Variants in MIPEP observed in about 807,000 individuals in gnomAD.
MIPEP encodes the protein mitochondrial intermediate peptidase.
MIPEP carries 79 observed loss-of-function variants against 90.3 expected under a neutral mutation model. The ratio of observed to expected loss-of-function variants is 0.87; its 90% confidence interval spans 0.73 to 1.05. The LOEUF is 1.05. Ranked by LOEUF, MIPEP falls within the 50% of genes least tolerant of loss-of-function variation. The probability of loss-of-function intolerance (pLI) is 0.00; values close to 1 mark genes in which losing one functional copy is unlikely to be tolerated. For missense variants in MIPEP, 940 were observed against 905.6 expected, an observed-to-expected ratio of 1.04 and a Z score of -0.49; for synonymous variants, 334 against 315.8, an observed-to-expected ratio of 1.06 and a Z score of -0.61.
At chr13:23,856,576 G>A (rs1321287834) in intron 10 of MIPEP, among the ~76,000 whole-genome samples, 1 of 152,192 alleles carries the variant, frequency 6.6e-6, no homozygotes, top group Non-Finnish European at 1.5e-5. Context: ...TAACTTCCCG[G>A]TCATTGGCCT....
intron 14 of MIPEP, among the ~76,000 whole-genome samples, chr13:23,825,115 G>GA (rs1352159851): frequency 1.3e-5 from 2 of 152,204 alleles, no homozygotes; most frequent in Non-Finnish European, 2.9e-5. Context: ...TAAAGGAGCA[G>GA]AAAAGTCTCA....
At chr13:23,887,114 G>C (rs1480506877) in intron 1 of MIPEP, among the ~76,000 whole-genome samples, 1 of 152,122 alleles carries the variant, frequency 6.6e-6, no homozygotes, top group Non-Finnish European at 1.5e-5. Flanking sequence ...TGACTATGAA[G>C]CAATAGATAT....
rs375056152 is a variant in MIPEP, at chr13:23,743,375, AG to A, written c.2045-12931del. 2.4e-4 allele frequency among the ~76,000 whole-genome samples: 37 copies of A among 152,342 alleles called. No homozygotes were observed. In the East Asian group the frequency reaches 7.1e-3, roughly 29 times the overall value. On this transcript the variant is annotated intron_variant, in intron 18 of 18. Transcript: ENST00000382172. ...GTATGGCTCACCATCTTGACTTTGA[AG>A]TTTTTCTCTGCTACAAGACTGTGGT...
At chr13:23,846,956 T>C (rs922941513) in intron 10 of MIPEP, among the ~76,000 whole-genome samples, 22 of 152,280 alleles carry the variant, frequency 1.4e-4, no homozygotes, top group African/African-American at 5.1e-4. Flanking sequence ...ACTATCACCC[T>C]ATGTTACAAT....
rs549332253 is a variant in MIPEP, at chr13:23,792,279, C to T, written c.1848+13671G>A. Among the ~76,000 whole-genome samples, 6 of 152,350 alleles carry T rather than the reference C, an allele frequency of 3.9e-5. No homozygotes were observed. The South Asian group carries it at 6.2e-4, about 16-fold the overall frequency. ...CACAGACCAGTCCTCTGAACTTGTACATCCAACTACCTATTTGACATCTTT... is the reference window on the plus strand; with the variant it reads ...CACAGACCAGTCCTCTGAACTTGTATATCCAACTACCTATTTGACATCTTT... On this transcript the variant is annotated intron_variant, in intron 16 of 18. Transcript: ENST00000382172.
chr13:23,882,492 G>A (rs559210412), intron 2 of MIPEP, among the ~76,000 whole-genome samples: 7 of 152,110 alleles, frequency 4.6e-5, no homozygotes, highest in African/African-American at 9.6e-5. Context: ...ATATGAGTTC[G>A]TAGTCTCCAT....
rs1470109092 is a variant in MIPEP at position 23,793,402 on chromosome 13, C to T, written c.1848+12548G>A. ...ACTAGTGGTTAACTTTAAAGGGGGT[C>T]GCAAGAGCCTTCTGGATAACTGCAG... On this transcript the variant is annotated intron_variant, in intron 16 of 18. Transcript: ENST00000382172. 3.9e-5 allele frequency among the ~76,000 whole-genome samples: 6 copies of T among 151,972 alleles called. No homozygotes were observed. In the South Asian group the frequency reaches 6.3e-4, roughly 16 times the overall value.
At chr13:23,744,514 T>A (rs1565979236) in intron 18 of MIPEP, among the ~76,000 whole-genome samples, 1 of 152,246 alleles carries the variant, frequency 6.6e-6, no homozygotes, top group Non-Finnish European at 1.5e-5. Context: ...TTCTAATGTC[T>A]GCTACTAGGT....
intron 16 of MIPEP, among the ~76,000 whole-genome samples, chr13:23,784,147 CA>C (rs1449754976): frequency 2.0e-5 from 3 of 152,086 alleles, no homozygotes; most frequent in Admixed American, 6.6e-5. Context: ...CTTTAAAGTT[CA>C]TATGGAACCA....
At chr13:23,761,127 C>T (rs1044964372) in intron 16 of MIPEP, among the ~76,000 whole-genome samples, 4 of 139,060 alleles carry the variant, frequency 2.9e-5, no homozygotes, top group Non-Finnish European at 4.7e-5. Context: ...GGAATGCATT[C>T]TTTTTTTTTT....
chr13:23,846,538 G>A (rs903640736), intron 10 of MIPEP, among the ~76,000 whole-genome samples: 2 of 151,996 alleles, frequency 1.3e-5, no homozygotes, highest in African/African-American at 4.8e-5. Flanking sequence ...GATATCTTGG[G>A]GATGTGACCT....
chr13:23,799,000 GTT>G (rs765292524), intron 16 of MIPEP, among the ~76,000 whole-genome samples: 8,806 of 87,982 alleles, frequency 0.1, 66 homozygotes, highest in Non-Finnish European at 0.12. Context: ...AATTTTTTTG[GTT>G]TTTTTTTTTT....
intron 14 of MIPEP, among the ~76,000 whole-genome samples, chr13:23,815,128 T>C (rs995760846): frequency 1.3e-5 from 2 of 152,234 alleles, no homozygotes; most frequent in African/African-American, 2.4e-5. Flanking sequence ...TGCTGCACTA[T>C]ATAATACAAT....
intron 1 of MIPEP, chr13:23,888,617 C>G: frequency 1.3e-6 from 1 of 787,690 alleles, no homozygotes; most frequent in Non-Finnish European, 1.5e-6. Context: ...AACAAGAAAG[C>G]CCAAAGCTTT....
intron 16 of MIPEP, among the ~76,000 whole-genome samples, chr13:23,780,513 G>A (rs1329858759): frequency 6.6e-6 from 1 of 152,216 alleles, no homozygotes; most frequent in East Asian, 1.9e-4. Flanking sequence ...AAAAAACAGA[G>A]CAGAAAAGCT....
chr13:23,806,646 C>G (rs1404148181), intron 15 of MIPEP, among the ~76,000 whole-genome samples: 1 of 151,878 alleles, frequency 6.6e-6, no homozygotes, highest in African/African-American at 2.4e-5. Context: ...CCACTGCACT[C>G]CAGCCTGGGA....
intron 18 of MIPEP, among the ~76,000 whole-genome samples, chr13:23,741,148 T>C (rs1952323746): frequency 6.6e-6 from 1 of 152,200 alleles, no homozygotes; most frequent in South Asian, 2.1e-4. Flanking sequence ...CAATGGTTAT[T>C]AGTAAAAAGT....
At chr13:23,862,404 A>G (rs1870349272) in intron 8 of MIPEP, 42 bp from the exon 9 acceptor site, 2 of 1,142,152 alleles carry the variant, frequency 1.8e-6, no homozygotes, top group South Asian at 2.7e-5. Flanking sequence ...ACAAAATTTT[A>G]ACAATTACAT....
intron 16 of MIPEP, among the ~76,000 whole-genome samples, chr13:23,776,662 A>T (rs1317838451): frequency 6.6e-6 from 1 of 152,208 alleles, no homozygotes; most frequent in African/African-American, 2.4e-5. Context: ...TAGTTCTAAA[A>T]CATCTCTATC....
Sources: allele counts gnomAD v4.1 joint callset (sites outside exome capture counted in the v4.1 genomes callset), GRCh38; gene constraint gnomAD v4.1.1; transcripts MANE v1.5; gene names NCBI Gene and HGNC (gene_info 2026-07-23, HGNC 2026-07-21).